SMARCA2: variants seen among roughly 807,000 people sequenced by gnomAD.
SMARCA2 encodes SWI/SNF-related matrix-associated actin-dependent regulator of chromatin subfamily A member 2.
A neutral mutation model predicts 199.8 loss-of-function variants in SMARCA2; 61 were observed. The observed-to-expected ratio is 0.31, with a 90% CI of 0.25 to 0.38. The LOEUF is 0.38. SMARCA2 is among the 10% of genes least tolerant of loss of function. SMARCA2 has a pLI of 1.00. For synonymous variants in SMARCA2, 935 were observed against 732.0 expected (o/e 1.28, Z -4.48); for missense variants, 1,344 against 2,012.2 (o/e 0.67, Z 6.35).
intron 28 of SMARCA2, among the ~76,000 whole-genome samples, chr9:2,165,206 T>C (rs963640028): frequency 6.6e-6 from 1 of 152,244 alleles, no homozygotes; most frequent in Non-Finnish European, 1.5e-5. Flanking sequence ...CTGACAGTCA[T>C]GTAGATTAAC....
In SMARCA2 at chr9:2,047,318, G is replaced by A. The variant is rs1007969036; in HGVS notation, c.880G>A (p.Ala294Thr). 6.7e-6 allele frequency: 7 copies of A among 1,045,158 alleles called. No individual in the cohort carries two copies. Among genetic ancestry groups the A allele is most frequent in the Middle Eastern group, 4.5e-4 (1 of 2,200 alleles). The allele number at this position is 1,045,158 out of a possible 1,614,324, so 64.7% of individuals were successfully genotyped here. Residue 294 changes from alanine (A) to threonine (T), a missense_variant, in exon 5 of 34, where the codon GCC becomes ACC. Physicochemically the swap from Ala to Thr is moderately conservative, Grantham distance 58. This residue lies in a region of SMARCA2 where 117 missense variants were observed against 99.1 expected (regional missense o/e 1.18). Transcript: ENST00000349721. ...GGRPSPAPPA[A>T]AQPPAAAVPG... ...CCGGCCCTCGCCCGCGCCCCCCGCA[G>A]CCGCGCAGCCGCCCGCGGCCGCAGT...
chr9:2,018,366 C>G (rs929782900), intron 1 of SMARCA2, among the ~76,000 whole-genome samples: 1 of 151,548 alleles, frequency 6.6e-6, no homozygotes, highest in Non-Finnish European at 1.5e-5. Flanking sequence ...CTTTTTTTTC[C>G]TCCTCCCTAA....
chr9:2,160,489 C>T (rs995031511), intron 27 of SMARCA2: 9 of 584,626 alleles, frequency 1.5e-5, no homozygotes, highest in Admixed American at 7.6e-5. Flanking sequence ...CTTCACAAAA[C>T]CTTTCTTTTT....
intron 15 of SMARCA2, 53 bp downstream of exon 15, chr9:2,082,048 C>A: frequency 7.0e-7 from 1 of 1,428,320 alleles, no homozygotes; most frequent in South Asian, 1.3e-5. Context: ...GTAGAGTGCC[C>A]GATTAGTAGC....
chr9:2,070,439 G>C lies in SMARCA2; in HGVS notation c.1714G>C (p.Gly572Arg). 6.2e-7 allele frequency: 1 copy of C among 1,613,944 alleles called. No individual in the cohort carries two copies. Among genetic ancestry groups the C allele is most frequent in the Non-Finnish European group, 8.5e-7 (1 of 1,179,910 alleles). Residue 572 changes from glycine (G) to arginine (R), a missense_variant, in exon 10 of 34, where the codon GGT becomes CGT. Physicochemically the swap from Gly to Arg is moderately radical, Grantham distance 125. Transcript: ENST00000349721. ...GCAGAAGGCTGAGGAGAATGCAGAG[G>C]GTGGGGAGTCTGCCCTGGGACCGGA... ...RKKKAEENAE[G>R]GESALGPDGE...
chr9:2,082,350 T>TGTGTGTGTGTGTGTGTGA (rs370220959), intron 15 of SMARCA2, among the ~76,000 whole-genome samples: 1 of 140,636 alleles, frequency 7.1e-6, no homozygotes, highest in East Asian at 2.0e-4. Context: ...TGTGTGTGTG[T>TGTGTGTGTGTGTGTGTGA]GATTTCTTTG....
chr9:2,176,379 CA>C (rs1267681324), intron 29 of SMARCA2, among the ~76,000 whole-genome samples: 1 of 151,792 alleles, frequency 6.6e-6, no homozygotes, highest in Admixed American at 6.6e-5. Flanking sequence ...AGTAGATTAC[CA>C]AAAGTAAAAT....
At chr9:2,172,193 T>C (rs1004396547) in intron 29 of SMARCA2, among the ~76,000 whole-genome samples, 2 of 152,040 alleles carry the variant, frequency 1.3e-5, no homozygotes, top group South Asian at 4.1e-4. Flanking sequence ...TTAAAAAATC[T>C]TTGCTTCAGT....
intron 3 of SMARCA2, among the ~76,000 whole-genome samples, chr9:2,034,376 A>G (rs1216252620): frequency 1.3e-5 from 2 of 152,170 alleles, no homozygotes; most frequent in African/African-American, 4.8e-5. Flanking sequence ...AGTATATGGC[A>G]TATTTCTTTT....
In SMARCA2 at chr9:2,030,378, G is replaced by A. The variant is rs562486592; in HGVS notation, c.225+1131G>A. Among the ~76,000 whole-genome samples, 6 of 152,094 alleles carry A rather than the reference G, an allele frequency of 3.9e-5. No homozygotes were observed. The East Asian group carries it at 1.2e-3, about 29-fold the overall frequency. On this transcript the variant is annotated intron_variant, in intron 2 of 33. Coordinates refer to ENST00000349721, the MANE Select transcript of SMARCA2 (RefSeq NM_003070.5). ...AGTTCCAGGAGAACTGATGATGTGA[G>A]TTCCAGTGATGTGAGAACCAGGAGA...
rs772359477 is a variant in SMARCA2 at position 2,101,628 on chromosome 9, ATT to A, written c.3125+20_3125+21del. 1 of 1,452,604 alleles carries A rather than the reference ATT, an allele frequency of 6.9e-7. No individual in the cohort carries two copies. The highest frequency in any genetic ancestry group is 1.4e-5 in the African/African-American group (1 of 70,500). 90.0% of individuals were successfully genotyped at this position (1,452,604 alleles called of 1,614,324 possible). A position where few individuals can be genotyped will look rare whatever the true frequency, so the allele number is the denominator to read the frequency against. Reference sequence around the variant, plus strand: ...GGGGTCATCAATGGGTAAATCTCAAATTTTTTTTTCTTTTAAAAAAAAATGTT... The same window carrying A: ...GGGGTCATCAATGGGTAAATCTCAAATTTTTTTCTTTTAAAAAAAAATGTT... On this transcript the variant is annotated intron_variant, in intron 22 of 33. Coordinates refer to ENST00000349721, the MANE Select transcript of SMARCA2 (RefSeq NM_003070.5).
chr9:2,183,334 A>C lies in SMARCA2; in HGVS notation c.4461+1092A>C, dbSNP rs540275038. Among the ~76,000 whole-genome samples, 17 of 152,324 alleles carry C rather than the reference A, an allele frequency of 1.1e-4. No individual in the cohort carries two copies. The East Asian group carries it at 3.3e-3, about 29-fold the overall frequency. On this transcript the variant is annotated intron_variant, in intron 31 of 33. Coordinates refer to ENST00000349721, the MANE Select transcript of SMARCA2 (RefSeq NM_003070.5). ...TAATCCTTTTTATCAGCCCAATTGC[A>C]ATTCTCTTTTTACTCCCCTTCTCCA...
At chr9:2,111,760 T>A (rs1475715775) in intron 24 of SMARCA2, among the ~76,000 whole-genome samples, 1 of 152,152 alleles carries the variant, frequency 6.6e-6, no homozygotes, top group Non-Finnish European at 1.5e-5. Context: ...CACCCCAGTT[T>A]TCTTATTCGG....
chr9:2,035,133 C>T (rs546581251), intron 3 of SMARCA2, among the ~76,000 whole-genome samples: 76 of 151,912 alleles, frequency 5.0e-4, no homozygotes, highest in African/African-American at 1.7e-3. Context: ...CCTCTACCTC[C>T]CGGGTTCAAG....
chr9:2,077,871 A>T (rs1334543832), intron 14 of SMARCA2, 95 bp downstream of exon 14: 16 of 1,175,466 alleles, frequency 1.4e-5, no homozygotes, highest in Non-Finnish European at 1.2e-6. Flanking sequence ...AGGGCTTTTG[A>T]TGATATTTTA....
intron 27 of SMARCA2, among the ~76,000 whole-genome samples, chr9:2,155,720 CTT>C (rs59156319): frequency 3.8e-5 from 2 of 53,152 alleles, no homozygotes; most frequent in South Asian, 1.1e-3. Context: ...AAGAGAAAAC[CTT>C]TTTTTTTTTT....
rs773662441 is a variant in SMARCA2 at position 2,170,429 on chromosome 9, G to A, written c.4210G>A (p.Glu1404Lys). 3 of 1,614,138 alleles carry A rather than the reference G, an allele frequency of 1.9e-6. No homozygotes were observed. The highest frequency in any genetic ancestry group is 2.2e-5 in the South Asian group (2 of 91,070). The change falls in exon 29 of 34, where the codon GAG (glutamate) becomes AAG (lysine). Residue 1404 changes from glutamate to lysine, a missense_variant. Transcript: ENST00000349721. The surrounding 1 kb of genome is among the most constrained non-coding windows in gnomAD (Gnocchi z 4.7). ...TCTACTCTACCGCAGGTGTAACGTG[G>A]AGAAGGTGCCCAGTAATTCTCAGTT... is the stretch of plus-strand genomic sequence containing the variant. ...VINYKDRCNV[E>K]KVPSNSQLEI...
In SMARCA2 at chr9:2,023,543, C is replaced by T. The variant is rs142762612; in HGVS notation, c.-36-5444C>T. ...AACTTATAAGGTTAACTTTAGAACCCGGTGTGATTTGTATCTGACAGATCA... is the reference window on the plus strand; with the variant it reads ...AACTTATAAGGTTAACTTTAGAACCTGGTGTGATTTGTATCTGACAGATCA... On this transcript the variant is annotated intron_variant, in intron 1 of 33. Transcript: ENST00000349721. 9.3e-4 allele frequency among the ~76,000 whole-genome samples: 141 copies of T among 152,254 alleles called. 1 individual carries two copies. The East Asian group carries it at 0.023, about 24-fold the overall frequency.
chr9:2,161,280 T>G lies in SMARCA2; in HGVS notation c.3982-406T>G, dbSNP rs1008435423. On this transcript the variant is annotated intron_variant, in intron 27 of 33. Transcript: ENST00000349721. The surrounding 1 kb of genome is among the most constrained non-coding windows in gnomAD (Gnocchi z 4.7). ...GGATGTATTCTTAGGGATTGTTTTT[T>G]CATAACCCACCCCTCGTTTTGTTTA... Among the ~76,000 whole-genome samples the G allele has an allele frequency of 6.6e-6, 1 of 152,218 alleles. No homozygotes were observed. Among genetic ancestry groups the G allele is most frequent in the African/African-American group, 2.4e-5 (1 of 41,458 alleles).
Sources: allele counts gnomAD v4.1 joint callset (sites outside exome capture counted in the v4.1 genomes callset), GRCh38; gene constraint gnomAD v4.1.1; regional missense constraint gnomAD v4.1.1; non-coding constraint Gnocchi (gnomAD v3.1); transcripts MANE v1.5; gene names NCBI Gene and HGNC (gene_info 2026-07-23, HGNC 2026-07-21).